Variants in CNTLN observed in about 807,000 individuals in gnomAD.
CNTLN encodes the protein centlein, centrosomal protein.
CNTLN carries 212 observed loss-of-function variants against 180.0 expected under a neutral mutation model. The ratio of observed to expected loss-of-function variants is 1.18; its 90% CI spans 1.05 to 1.32. The LOEUF (loss-of-function observed/expected upper bound fraction) is 1.32. Ranked by LOEUF, CNTLN falls within the 40% of genes most tolerant of loss-of-function variation. The pLI, the probability that CNTLN is intolerant of heterozygous loss-of-function variation, is 0.00. For missense variants in CNTLN, 2,095 were observed against 1,610.9 expected (o/e 1.30, Z -5.14); for synonymous variants, 722 against 563.1 (o/e 1.28, Z -3.99).
At chr9:17,414,467 T>A (rs1828078970) in intron 16 of CNTLN, among the ~76,000 whole-genome samples, 1 of 152,190 alleles carries the variant, frequency 6.6e-6, no homozygotes, top group Non-Finnish European at 1.5e-5. Context: ...TGGATTTTTT[T>A]TTTAACAGTG....
chr9:17,180,346 TTATTATATTATATTA>T (rs57685282), intron 2 of CNTLN, among the ~76,000 whole-genome samples: 6 of 145,620 alleles, frequency 4.1e-5, no homozygotes, highest in South Asian at 4.3e-4. Flanking sequence ...GTTGCTCTAA[TTATTATATTATATTA>T]TATTATATTA....
chr9:17,484,284 A>T lies in CNTLN; in HGVS notation c.3856-11A>T, dbSNP rs200640957. Reference sequence around the variant, plus strand: ...TTAATATAAGCTCAATTTCTTTCCAATATGTTACAGGCTTTGGCCAAAGAG... The same window carrying T: ...TTAATATAAGCTCAATTTCTTTCCATTATGTTACAGGCTTTGGCCAAAGAG... On this transcript the variant is annotated splice_polypyrimidine_tract_variant and intron_variant, in intron 23 of 25. Transcript: ENST00000380647. 1.5e-4 allele frequency: 237 copies of T among 1,571,156 alleles called. No homozygotes were observed. The African/African-American group carries it at 2.9e-3, about 19-fold the overall frequency.
chr9:17,502,577 A>C lies in CNTLN; in HGVS notation c.4146A>C (p.Glu1382Asp). ...TTCCTTTTGCCTCATATTTACTAGAAGCAGTACTGGAAAAAATAAATGAAA... is the reference window on the plus strand; with the variant it reads ...TTCCTTTTGCCTCATATTTACTAGACGCAGTACTGGAAAAAATAAATGAAA... ...GQLPFASYLLEAVLEKINEKK... is the reference protein window; with the variant it reads ...GQLPFASYLLDAVLEKINEKK... Residue 1382 changes from glutamate (E) to aspartate (D), a missense_variant, in exon 26 of 26, where the codon GAA (glutamate) becomes GAC (aspartate). Physicochemically the swap from Glu to Asp is conservative, Grantham distance 45 (BLOSUM62 2). Coordinates refer to ENST00000380647, the MANE Select transcript of CNTLN (RefSeq NM_017738.4). The C allele has an allele frequency of 1.4e-6, 2 of 1,405,094 alleles. No homozygotes were observed. The highest frequency in any genetic ancestry group is 2.3e-5 in the Admixed American group (1 of 43,494). 87.0% of individuals were successfully genotyped at this position (1,405,094 alleles called of 1,614,324 possible).
chr9:17,391,689 A>AT (rs1407844677), intron 14 of CNTLN, among the ~76,000 whole-genome samples: 3 of 152,190 alleles, frequency 2.0e-5, no homozygotes, highest in African/African-American at 7.2e-5. Flanking sequence ...TATACAGCTG[A>AT]TTTAATGGCT....
intron 8 of CNTLN, among the ~76,000 whole-genome samples, chr9:17,318,303 A>G (rs895183047): frequency 1.3e-5 from 2 of 152,122 alleles, no homozygotes; most frequent in African/African-American, 2.4e-5. Flanking sequence ...TGCTGGGATT[A>G]CAGGCGTGAG....
Position 17,149,942 on chromosome 9 carries a change from T to G in CNTLN, c.449+6566T>G, listed in dbSNP as rs549356935. The stretch of plus-strand genomic sequence containing the variant: ...TTTTTTCATATGTCTGTTGGCTGCA[T>G]AAATGTTTTCTTGTGAGAAGTGTCT... On this transcript the variant is annotated intron_variant, in intron 2 of 25. Coordinates refer to ENST00000380647, the MANE Select transcript of CNTLN (RefSeq NM_017738.4). 2.6e-5 allele frequency among the ~76,000 whole-genome samples: 4 copies of G among 152,362 alleles called. No homozygotes were observed. The East Asian group carries it at 7.7e-4, about 29-fold the overall frequency.
the CNTLN span, among the ~76,000 whole-genome samples, chr9:17,514,165 C>G: frequency 8.8e-6 from 1 of 113,612 alleles, no homozygotes; most frequent in South Asian, 3.1e-4. Context: ...AAAAAAAAAA[C>G]TGGGCGTAAT....
At chr9:17,520,123 C>T in the CNTLN span, among the ~76,000 whole-genome samples, 2 of 152,184 alleles carry the variant, frequency 1.3e-5, no homozygotes, top group African/African-American at 2.4e-5. Context: ...AGGTAGAAAA[C>T]TCTCTTTTCC....
chr9:17,379,505 G>T (rs533888157), intron 13 of CNTLN, among the ~76,000 whole-genome samples: 1 of 152,112 alleles, frequency 6.6e-6, no homozygotes, highest in African/African-American at 2.4e-5. Context: ...CTGTGCTGTA[G>T]CTTGGAAGCT....
chr9:17,292,411 C>G (rs1317922882), intron 6 of CNTLN, among the ~76,000 whole-genome samples: 1 of 152,172 alleles, frequency 6.6e-6, no homozygotes, highest in Non-Finnish European at 1.5e-5. Flanking sequence ...CACCTTGGTT[C>G]TGTTCTCCCC....
intron 6 of CNTLN, among the ~76,000 whole-genome samples, chr9:17,288,793 G>A (rs1282695160): frequency 7.4e-6 from 1 of 134,652 alleles, no homozygotes; most frequent in African/African-American, 3.1e-5. Flanking sequence ...ATCTTTGTTG[G>A]TTTAAAGTCT....
At chr9:17,212,603 C>G (rs777319708) in intron 2 of CNTLN, among the ~76,000 whole-genome samples, 1 of 152,018 alleles carries the variant, frequency 6.6e-6, no homozygotes, top group African/African-American at 2.4e-5. Context: ...TCTTTTTCTA[C>G]TCATTGGAAT....
chr9:17,319,604 G>T (rs2133024876), intron 8 of CNTLN, among the ~76,000 whole-genome samples: 1 of 152,258 alleles, frequency 6.6e-6, no homozygotes, highest in African/African-American at 2.4e-5. Flanking sequence ...TCACTTAATT[G>T]TGTGACCTTG....
chr9:17,319,327 C>G (rs1426230818), intron 8 of CNTLN, among the ~76,000 whole-genome samples: 1 of 152,214 alleles, frequency 6.6e-6, no homozygotes, highest in Non-Finnish European at 1.5e-5. Context: ...GCCTGAGATT[C>G]TGCATTTCTG....
the CNTLN span, among the ~76,000 whole-genome samples, chr9:17,523,548 C>T: frequency 6.6e-6 from 1 of 152,124 alleles, no homozygotes; most frequent in African/African-American, 2.4e-5. Flanking sequence ...ATGTATATTT[C>T]TTCAAGGTGC....
intron 7 of CNTLN, among the ~76,000 whole-genome samples, chr9:17,303,915 T>C (rs753424446): frequency 6.6e-4 from 100 of 152,190 alleles, no homozygotes; most frequent in Non-Finnish European, 8.4e-4. Flanking sequence ...TCAATTCTTA[T>C]TAAACTTCTT....
intron 2 of CNTLN, among the ~76,000 whole-genome samples, chr9:17,178,462 A>G (rs979331335): frequency 1.3e-5 from 2 of 151,628 alleles, no homozygotes; most frequent in African/African-American, 2.4e-5. Flanking sequence ...TGGAATAGGG[A>G]GTGGTGCTGG....
At chr9:17,490,784 A>G (rs989692280) in intron 25 of CNTLN, among the ~76,000 whole-genome samples, 1 of 151,526 alleles carries the variant, frequency 6.6e-6, no homozygotes, top group Admixed American at 6.6e-5. Flanking sequence ...TTACAAAAAG[A>G]AAAAAAAGAA....
intron 13 of CNTLN, among the ~76,000 whole-genome samples, chr9:17,370,408 A>C (rs927534889): frequency 6.6e-6 from 1 of 152,236 alleles, no homozygotes; most frequent in East Asian, 1.9e-4. Flanking sequence ...TGACATACTT[A>C]AAGTGCTGAA....
Sources: gnomAD v4.1 joint callset for allele counts (sites outside exome capture counted in the v4.1 genomes callset) on GRCh38, gnomAD v4.1.1 for gene constraint, MANE v1.5 for transcripts, NCBI Gene and HGNC (gene_info 2026-07-23, HGNC 2026-07-21) for gene names.